Variants in R3HDM1 observed in about 807,000 individuals in gnomAD.
The protein encoded by R3HDM1 is R3H domain-containing protein 1.
Under a neutral mutation model 141.1 loss-of-function variants are expected in R3HDM1, and 46 were observed. The observed-to-expected ratio is 0.33, with a 90% CI of 0.26 to 0.42. The LOEUF (loss-of-function observed/expected upper bound fraction) is 0.42. Among genes scored for constraint, R3HDM1 ranks in the 10% least tolerant of loss-of-function variants. The probability of loss-of-function intolerance (pLI) is 1.00; values close to 1 mark genes in which losing one functional copy is unlikely to be tolerated. For missense variants in R3HDM1, 1,184 were observed against 1,368.3 expected, an observed-to-expected ratio of 0.87 and a Z score of 2.12; for synonymous variants, 435 against 472.9, an observed-to-expected ratio of 0.92 and a Z score of 1.04.
intron 1 of R3HDM1, among the ~76,000 whole-genome samples, chr2:135,575,000 T>C (rs1227270676): frequency 2.0e-5 from 3 of 152,108 alleles, no homozygotes; most frequent in Admixed American, 6.5e-5. Flanking sequence ...GGCATAAGAA[T>C]GGGTAAAGAA....
chr2:135,675,460 C>T lies in R3HDM1; in HGVS notation c.2281C>T (p.Pro761Ser). ...AAATCAGATTCAAGGAGTGGTCATCCCCTATACTTCAGTGCCAACATATCA... is the reference window on the plus strand; with the variant it reads ...AAATCAGATTCAAGGAGTGGTCATCTCCTATACTTCAGTGCCAACATATCA... ...IGNQIQGVVI[P>S]YTSVPTYQVS... Residue 761 changes from proline to serine, a missense_variant, in exon 20 of 27, where the codon CCC (proline) becomes TCC (serine). By Grantham distance (74) the Pro-to-Ser change is moderately conservative. This residue lies in a region of R3HDM1 where 563 missense variants were observed against 562.0 expected (regional missense o/e 1.00). Coordinates refer to ENST00000683871, the MANE Select transcript of R3HDM1 (RefSeq NM_001378107.1). 3 of 1,613,782 alleles carry T rather than the reference C, an allele frequency of 1.9e-6. No individual in the cohort carries two copies. Among genetic ancestry groups the T allele is most frequent in the Non-Finnish European group, 1.7e-6 (2 of 1,179,790 alleles).
intron 1 of R3HDM1, among the ~76,000 whole-genome samples, chr2:135,571,293 C>G (rs1215104331): frequency 6.6e-6 from 1 of 151,964 alleles, no homozygotes; most frequent in African/African-American, 2.4e-5. Context: ...TGTTTACTAG[C>G]AAAATTTTAT....
intron 5 of R3HDM1, chr2:135,620,475 A>G: frequency 1.0e-6 from 1 of 978,156 alleles, no homozygotes; most frequent in Non-Finnish European, 1.2e-6. Flanking sequence ...ATCCTAGTAA[A>G]AACTGCCAGT....
At chr2:135,611,361 A>T (rs2060533962) in intron 3 of R3HDM1, among the ~76,000 whole-genome samples, 1 of 152,180 alleles carries the variant, frequency 6.6e-6, no homozygotes, top group Non-Finnish European at 1.5e-5. Flanking sequence ...TGATTGCACC[A>T]CTGGACTCCA....
intron 11 of R3HDM1, among the ~76,000 whole-genome samples, chr2:135,636,867 T>C (rs2063316554): frequency 6.6e-6 from 1 of 152,174 alleles, no homozygotes; most frequent in Non-Finnish European, 1.5e-5. Context: ...TCAACAAATT[T>C]TATTGAGCAC....
At chr2:135,597,295 A>G in intron 1 of R3HDM1, 5 of 970,012 alleles carry the variant, frequency 5.2e-6, no homozygotes, top group Non-Finnish European at 6.1e-6. Flanking sequence ...TTTAAATGTA[A>G]CTGATATTCA....
chr2:135,659,819 G>A (rs184915975), intron 18 of R3HDM1, among the ~76,000 whole-genome samples: 214 of 152,262 alleles, frequency 1.4e-3, no homozygotes, highest in African/African-American at 4.9e-3. Context: ...TCATTACCAA[G>A]TCTTATTTAT....
chr2:135,632,889 A>G (rs1208244690), intron 9 of R3HDM1, among the ~76,000 whole-genome samples: 2 of 152,152 alleles, frequency 1.3e-5, no homozygotes, highest in Non-Finnish European at 2.9e-5. Flanking sequence ...GTTCTTATCT[A>G]TGAATGATTT....
chr2:135,558,942 T>A, intron 1 of R3HDM1: 1 of 869,770 alleles, frequency 1.1e-6, no homozygotes, highest in Non-Finnish European at 1.4e-6. Context: ...CAAAATGTAA[T>A]TTAAAAAGTT....
At chr2:135,672,812 A>T (rs1027736963) in intron 19 of R3HDM1, among the ~76,000 whole-genome samples, 1 of 152,116 alleles carries the variant, frequency 6.6e-6, no homozygotes, top group African/African-American at 2.4e-5. Context: ...TGCTTTAAAG[A>T]ATAAGATACC....
At chr2:135,716,098 G>A (rs909348029) in intron 24 of R3HDM1, among the ~76,000 whole-genome samples, 1 of 151,916 alleles carries the variant, frequency 6.6e-6, no homozygotes, top group Non-Finnish European at 1.5e-5. Context: ...AGGCCAATGC[G>A]GAAGGATCAC....
Position 135,630,281 on chromosome 2 carries a change from C to CAAAA in R3HDM1, c.498-1413_498-1410dup, listed in dbSNP as rs911009655. On this transcript the variant is annotated intron_variant, in intron 7 of 26. Transcript: ENST00000683871. Reference sequence around the variant, plus strand: ...AACAAGAGCGAAACTCCTTCTCAACCAAAAAAAAAAAAAAAAAAAAAAAAA... The same window carrying CAAAA: ...AACAAGAGCGAAACTCCTTCTCAACCAAAAAAAAAAAAAAAAAAAAAAAAAAAAA... Among the ~76,000 whole-genome samples, 296 of 39,328 alleles carry CAAAA rather than the reference C, an allele frequency of 7.5e-3. 27 individuals are homozygous for CAAAA. The highest frequency in any genetic ancestry group is 0.021 in the African/African-American group (228 of 10,832). The allele number at this position is 39,328 out of a possible 152,430, so 25.8% of individuals were successfully genotyped here.
chr2:135,663,134 CAAAAAAAA>C (rs555551580), intron 19 of R3HDM1, among the ~76,000 whole-genome samples: 1 of 90,882 alleles, frequency 1.1e-5, no homozygotes, highest in Non-Finnish European at 2.7e-5. Context: ...GCCTCTCTGC[CAAAAAAAA>C]AAAAAAAAAA....
At chr2:135,588,235 G>A (rs1347019916) in intron 1 of R3HDM1, among the ~76,000 whole-genome samples, 1 of 151,278 alleles carries the variant, frequency 6.6e-6, no homozygotes, top group Non-Finnish European at 1.5e-5. Flanking sequence ...CTCTTCCTTT[G>A]TCTGTTTCTC....
In R3HDM1 at chr2:135,595,044, C is replaced by G. The variant is rs145350423; in HGVS notation, c.-249-7456C>G. Among the ~76,000 whole-genome samples the G allele has an allele frequency of 2.9e-3, 434 of 150,224 alleles. 4 individuals are homozygous for G. The highest frequency in any genetic ancestry group is 1.8e-3 in the Non-Finnish European group (122 of 67,720). ...AACATTGATAACTCAAAACTTCAATCTATATAGTGATTCTCCACCAAATAA... is the reference window on the plus strand; with the variant it reads ...AACATTGATAACTCAAAACTTCAATGTATATAGTGATTCTCCACCAAATAA... On this transcript the variant is annotated intron_variant, in intron 1 of 26. Transcript: ENST00000683871.
chr2:135,632,089 CAT>C (rs1403867491), intron 9 of R3HDM1, 88 bp downstream of exon 9: 18 of 1,088,408 alleles, frequency 1.7e-5, no homozygotes, highest in Non-Finnish European at 2.2e-5. Context: ...AGGTTTTCCA[CAT>C]GTTTTAACAG....
chr2:135,719,756 T>C (rs2076527138), intron 24 of R3HDM1, among the ~76,000 whole-genome samples: 1 of 152,226 alleles, frequency 6.6e-6, no homozygotes, highest in Non-Finnish European at 1.5e-5. Context: ...CTCTGTATTC[T>C]GTTAATGCTA....
At chr2:135,684,635 C>G (rs538587877) in intron 21 of R3HDM1, among the ~76,000 whole-genome samples, 24 of 152,306 alleles carry the variant, frequency 1.6e-4, no homozygotes, top group African/African-American at 5.8e-4. Context: ...CCAGCATTCA[C>G]AGGCTAGGGT....
intron 19 of R3HDM1, among the ~76,000 whole-genome samples, chr2:135,670,815 T>C (rs1002743079): frequency 2.6e-5 from 4 of 152,118 alleles, no homozygotes; most frequent in Admixed American, 6.6e-5. Context: ...CTCAGCACTT[T>C]GGGAGGCCAA....
Sources: gnomAD v4.1 joint callset for allele counts (sites outside exome capture counted in the v4.1 genomes callset) on GRCh38, gnomAD v4.1.1 for gene constraint, gnomAD v4.1.1 regional missense constraint, MANE v1.5 for transcripts, NCBI Gene and HGNC (gene_info 2026-07-23, HGNC 2026-07-21) for gene names.